SERPINB2: variants seen among roughly 807,000 people sequenced by gnomAD.
The protein encoded by SERPINB2 is plasminogen activator inhibitor 2.
A neutral mutation model predicts 39.4 loss-of-function variants in SERPINB2; 28 were observed. The observed-to-expected ratio is 0.71, with a 90% CI of 0.53 to 0.97. The LOEUF is 0.97. Ranked by LOEUF, SERPINB2 falls within the 50% of genes least tolerant of loss-of-function variation. The probability of loss-of-function intolerance (pLI) is 0.00; values close to 1 mark genes in which losing one functional copy is unlikely to be tolerated. For synonymous variants in SERPINB2, 209 were observed against 175.1 expected (o/e 1.19, Z -1.53); for missense variants, 557 against 505.3 (o/e 1.10, Z -0.98).
At position 63,903,020 on chromosome 18, in the gene SERPINB2, A is replaced by C; in HGVS notation, c.963A>C (p.Arg321Ser). ...QFKLEEHYEL[R>S]SILRSMGMED... is the part of the protein sequence containing the mutation. ...AATTAGAAGAGCATTATGAACTCAG[A>C]TCCATTCTGAGAAGCATGGGCATGG... The change falls in exon 8 of 8, where the codon AGA (arginine) becomes AGC (serine). Residue 321 changes from arginine to serine, a missense_variant. Physicochemically the swap from Arg to Ser is moderately radical, Grantham distance 110. Transcript: ENST00000299502. The C allele has an allele frequency of 1.2e-6, 2 of 1,613,902 alleles. No homozygotes were observed. The highest frequency in any genetic ancestry group is 1.7e-6 in the Non-Finnish European group (2 of 1,179,840).
chr18:63,902,616 T>C lies in SERPINB2; in HGVS notation c.843+48T>C, dbSNP rs773098549. The C allele has an allele frequency of 1.9e-5, 16 of 860,732 alleles. No homozygotes were observed. In the South Asian group the frequency reaches 3.8e-4, roughly 20 times the overall value. 53.3% of individuals were successfully genotyped at this position (860,732 alleles called of 1,614,324 possible). On this transcript the variant is annotated intron_variant, in intron 7 of 7. Transcript: ENST00000299502. ...TTTCTGGGGCTATACCTACCTTTCG[T>C]GAGATGAGATGAATATATACTCCTT...
intron 5 of SERPINB2, among the ~76,000 whole-genome samples, chr18:63,898,674 T>C (rs1309531223): frequency 1.3e-5 from 2 of 152,158 alleles, no homozygotes; most frequent in African/African-American, 2.4e-5. Context: ...GTCAGTGCTT[T>C]CATTGAGAAG....
intron 4 of SERPINB2, 41 bp from the exon 5 acceptor site, chr18:63,897,686 T>TCAAA (rs1568236946): frequency 8.0e-7 from 1 of 1,253,798 alleles, no homozygotes; most frequent in Admixed American, 1.7e-5. Flanking sequence ...GCTTGTTTGG[T>TCAAA]ATGTATTTTA....
At position 63,903,429 on chromosome 18, in the gene SERPINB2, T is replaced by C; in HGVS notation, c.*124T>C. 1 of 841,490 alleles carries C rather than the reference T, an allele frequency of 1.2e-6. No individual in the cohort carries two copies. Among genetic ancestry groups the C allele is most frequent in the South Asian group, 2.9e-5 (1 of 34,538 alleles). 52.1% of individuals were successfully genotyped at this position (841,490 alleles called of 1,614,324 possible). On this transcript the variant is annotated 3_prime_UTR_variant, in exon 8 of 8. Transcript: ENST00000299502. ...TATTTCTGCTCTTCTGAACAACTTC[T>C]GCTACCCACTAAATAAAAACACAGA...
At chr18:63,893,611 T>C (rs2049940843) in intron 2 of SERPINB2, among the ~76,000 whole-genome samples, 1 of 152,246 alleles carries the variant, frequency 6.6e-6, no homozygotes, top group Non-Finnish European at 1.5e-5. Context: ...GTCATGGCTT[T>C]GTTCCTTACT....
At chr18:63,899,841 C>T (rs1181383568) in intron 5 of SERPINB2, among the ~76,000 whole-genome samples, 2 of 152,154 alleles carry the variant, frequency 1.3e-5, no homozygotes, top group African/African-American at 4.8e-5. Context: ...GGAAAATGCA[C>T]ATAAACTAAG....
chr18:63,900,087 T>A (rs1207608019), intron 5 of SERPINB2, among the ~76,000 whole-genome samples: 1 of 152,178 alleles, frequency 6.6e-6, no homozygotes, highest in Non-Finnish European at 1.5e-5. Flanking sequence ...CATGAATTGT[T>A]TTTCTCTTTA....
intron 3 of SERPINB2, 129 bp downstream of exon 3, chr18:63,895,512 T>A: frequency 8.5e-7 from 1 of 1,171,194 alleles, no homozygotes; most frequent in South Asian, 1.3e-5. Context: ...AAACTAAGAC[T>A]CAGAGTCATT....
chr18:63,900,543 GT>G (rs889532744), intron 5 of SERPINB2, among the ~76,000 whole-genome samples: 2 of 152,174 alleles, frequency 1.3e-5, no homozygotes, highest in African/African-American at 4.8e-5. Flanking sequence ...GCTCAGGGCA[GT>G]TTGGGGGTCA....
In SERPINB2 at chr18:63,901,871, C is replaced by A; in HGVS notation, c.667C>A (p.Arg223Ser). The A allele has an allele frequency of 6.3e-7, 1 of 1,597,938 alleles. No individual in the cohort carries two copies. The highest frequency in any genetic ancestry group is 8.5e-7 in the Non-Finnish European group (1 of 1,175,346). ...GAAACTAAATGGGCTTTATCCTTTC[C>A]GTGTAAACTCGGTATGAGACAACAA... ...EKKLNGLYPFRVNSAQRTPVQ... is the reference protein window; with the variant it reads ...EKKLNGLYPFSVNSAQRTPVQ... The change falls in exon 6 of 8, where the codon CGT (arginine) becomes AGT (serine). Residue 223 changes from arginine to serine, a missense_variant. Coordinates refer to ENST00000299502, the MANE Select transcript of SERPINB2 (RefSeq NM_002575.3).
At chr18:63,888,804 C>T (rs962871424) in intron 1 of SERPINB2, among the ~76,000 whole-genome samples, 1 of 152,134 alleles carries the variant, frequency 6.6e-6, no homozygotes, top group African/African-American at 2.4e-5. Context: ...TAAGAGCATA[C>T]TATTTGGAAG....
In SERPINB2 at chr18:63,903,260, G is replaced by A. The variant is rs2144709382; in HGVS notation, c.1203G>A (p.Lys401=). 6.4e-7 allele frequency: 1 copy of A among 1,570,728 alleles called. No homozygotes were observed. Among genetic ancestry groups the A allele is most frequent in the Non-Finnish European group, 8.6e-7 (1 of 1,160,214 alleles). ...CTTTTCTTTTTCTTATTATGCATAA[G>A]ATAACCAACTGCATTTTATTTTTCG... ...DHPFLFLIMH[K]ITNCILFFGR... The change falls in exon 8 of 8, where the codon AAG becomes AAA. Residue 401 remains lysine, a synonymous_variant. Coordinates refer to ENST00000299502, the MANE Select transcript of SERPINB2 (RefSeq NM_002575.3).
At chr18:63,895,756 G>T (rs1055447365) in intron 3 of SERPINB2, among the ~76,000 whole-genome samples, 13 of 152,156 alleles carry the variant, frequency 8.5e-5, no homozygotes, top group African/African-American at 3.1e-4. Flanking sequence ...ATTGAGAAAT[G>T]GCAGAAGGCT....
chr18:63,897,774 A>G lies in SERPINB2; in HGVS notation c.465A>G (p.Ala155=), dbSNP rs771666547. 6.2e-7 allele frequency: 1 copy of G among 1,613,624 alleles called. No individual in the cohort carries two copies. Among genetic ancestry groups the G allele is most frequent in the Non-Finnish European group, 8.5e-7 (1 of 1,179,622 alleles). The change falls in exon 5 of 8, where the codon GCA becomes GCG. Residue 155 remains alanine, a synonymous_variant. Transcript: ENST00000299502. ...AATATTACTCCTCAGAACCCCAGGC[A>G]GTAGACTTCCTAGAATGTGCAGAAG... ...CQKYYSSEPQ[A]VDFLECAEEA...
At chr18:63,902,252 C>G in intron 6 of SERPINB2, 152 bp from the exon 7 acceptor site, 1 of 621,588 alleles carries the variant, frequency 1.6e-6, no homozygotes. Context: ...TCAGAGTACC[C>G]ACTGTAAGGA....
chr18:63,902,880 T>C (rs775332329), intron 7 of SERPINB2, 21 bp from the exon 8 acceptor site: 1 of 1,541,420 alleles, frequency 6.5e-7, no homozygotes, highest in Non-Finnish European at 8.7e-7. Flanking sequence ...TTTGTTTGTT[T>C]TGTTTTGTTT....
At chr18:63,897,033 A>T in intron 3 of SERPINB2, 58 bp from the exon 4 acceptor site, 1 of 1,520,056 alleles carries the variant, frequency 6.6e-7, no homozygotes, top group East Asian at 2.3e-5. Flanking sequence ...ATGGCTTAAG[A>T]ACTATCTTGT....
rs1458167102 is a variant in SERPINB2 at position 63,902,886 on chromosome 18, T to G, written c.844-15T>G. ...GTATTTTCTTTTGTTTGTTTTGTTT[T>G]GTTTTGCTTTGCAGCTGGAAAGTGA... is the stretch of plus-strand genomic sequence containing the variant. On this transcript the variant is annotated splice_polypyrimidine_tract_variant and intron_variant, in intron 7 of 7. Coordinates refer to ENST00000299502, the MANE Select transcript of SERPINB2 (RefSeq NM_002575.3). 1.3e-6 allele frequency: 2 copies of G among 1,556,228 alleles called. No individual in the cohort carries two copies. Among genetic ancestry groups the G allele is most frequent in the Admixed American group, 4.1e-5 (2 of 49,038 alleles).
At position 63,902,476 on chromosome 18, in the gene SERPINB2, G is replaced by C; in HGVS notation, c.751G>C (p.Ala251Pro). The change falls in exon 7 of 8, where the codon GCT becomes CCT. Residue 251 changes from alanine (A) to proline (P), a missense_variant. Ala to Pro is a conservative substitution (Grantham distance 27, BLOSUM62 -1). Transcript: ENST00000299502. ...LNIGYIEDLK[A>P]QILELPYAGD... ...CATTGGATACATAGAAGACCTAAAG[G>C]CTCAGATTCTAGAACTCCCATATGC... is the stretch of plus-strand genomic sequence containing the variant. The C allele has an allele frequency of 6.2e-7, 1 of 1,613,562 alleles. No individual in the cohort carries two copies. The highest frequency in any genetic ancestry group is 8.5e-7 in the Non-Finnish European group (1 of 1,179,668).
Sources: gnomAD v4.1 joint callset for allele counts (sites outside exome capture counted in the v4.1 genomes callset) on GRCh38, gnomAD v4.1.1 for gene constraint, MANE v1.5 for transcripts, NCBI Gene and HGNC (gene_info 2026-07-23, HGNC 2026-07-21) for gene names.